The following MRC1 variants were observed in gnomAD, a reference collection of about 807,000 sequenced individuals.
MRC1 encodes macrophage mannose receptor 1.
A neutral mutation model predicts 102.9 loss-of-function variants in MRC1; 62 were observed. The observed-to-expected ratio is 0.60, with a 90% CI of 0.49 to 0.74. The LOEUF is 0.74. MRC1 is among the 30% of genes least tolerant of loss of function. The pLI, the probability that MRC1 is intolerant of heterozygous loss-of-function variation, is 0.00. For synonymous variants in MRC1, 457 were observed against 298.4 expected, an observed-to-expected ratio of 1.53 and a Z score of -5.48; for missense variants, 1,237 against 862.8, an observed-to-expected ratio of 1.43 and a Z score of -5.43.
In MRC1 at chr10:17,900,850, T is replaced by C; in HGVS notation, c.3546T>C (p.Asp1182=). 1.3e-6 allele frequency: 1 copy of C among 780,842 alleles called. No homozygotes were observed. The highest frequency in any genetic ancestry group is 1.3e-5 in the South Asian group (1 of 74,616). 48.4% of individuals were successfully genotyped at this position (780,842 alleles called of 1,614,324 possible). ...TGAGGTACACTAACTGGGCTGCTGA[T>C]GAGCCCAAATTGAAATCAGCATGTG... is the stretch of plus-strand genomic sequence containing the variant. ...WRVRYTNWAA[D]EPKLKSACVY... The change falls in exon 25 of 30, where the codon GAT becomes GAC. Residue 1182 remains aspartate (D), a synonymous_variant. Transcript: ENST00000569591.
intron 18 of MRC1, 120 bp from the exon 19 acceptor site, chr10:17,879,601 G>A (rs1214604122): frequency 1.3e-6 from 1 of 778,298 alleles, no homozygotes; most frequent in Non-Finnish European, 2.4e-6. Context: ...GGCCTCAGGT[G>A]ATCCACTCGC....
In MRC1 at chr10:17,849,754, G is replaced by A. The variant is rs1838885738; in HGVS notation, c.1239G>A (p.Gln413=). 1.3e-6 allele frequency: 1 copy of A among 780,672 alleles called. No homozygotes were observed. Among genetic ancestry groups the A allele is most frequent in the Admixed American group, 1.7e-5 (1 of 59,010 alleles). 48.4% of individuals were successfully genotyped at this position (780,672 alleles called of 1,614,324 possible). A position where few individuals can be genotyped will look rare whatever the true frequency, so the allele number is the denominator to read the frequency against. The change falls in exon 7 of 30, where the codon CAG becomes CAA. Residue 413 remains glutamine, a synonymous_variant. Coordinates refer to ENST00000569591, the MANE Select transcript of MRC1 (RefSeq NM_002438.4). ...AGGAATTGGACTTTATTATCTCCCA[G>A]CTAGGATATGGTGAGAAACTTGACA... ...TIEELDFIIS[Q]LGYEPNDELW...
At chr10:17,832,422 G>A (rs1448790751) in intron 3 of MRC1, among the ~76,000 whole-genome samples, 1 of 150,068 alleles carries the variant, frequency 6.7e-6, no homozygotes, top group Non-Finnish European at 1.5e-5. Flanking sequence ...GGGCGTGGCG[G>A]CGTGTGCCTG....
intron 25 of MRC1, among the ~76,000 whole-genome samples, chr10:17,901,643 C>T (rs958847353): frequency 2.6e-5 from 4 of 151,746 alleles, no homozygotes; most frequent in South Asian, 2.1e-4. Flanking sequence ...GAGACAAGAT[C>T]GCGCCATTGT....
rs1262043185 is a variant in MRC1 at position 17,877,944 on chromosome 10, G to C, written c.2595G>C (p.Leu865Phe). The C allele has an allele frequency of 1.1e-5, 10 of 871,986 alleles. No homozygotes were observed. The highest frequency in any genetic ancestry group is 2.0e-5 in the Non-Finnish European group (10 of 501,214). The allele number at this position is 871,986 out of a possible 1,614,324, so 54.0% of individuals were successfully genotyped here. ...AGTCTGCATATTTTATTGGTTTATT[G>C]ATCAGCTTGGATAAAAAGTTTGCGT... is the stretch of plus-strand genomic sequence containing the variant. ...DAQSAYFIGL[L>F]ISLDKKFAWM... The change falls in exon 18 of 30, where the codon TTG becomes TTC. Residue 865 changes from leucine to phenylalanine, a missense_variant. Leu to Phe is a conservative substitution (Grantham distance 22). Transcript: ENST00000569591.
chr10:17,871,955 G>T lies in MRC1; in HGVS notation c.2200-27G>T, dbSNP rs1016055022. The T allele has an allele frequency of 2.1e-4, 161 of 779,158 alleles. No individual in the cohort carries two copies. In the African/African-American group the frequency reaches 2.5e-3, roughly 12 times the overall value. 48.3% of individuals were successfully genotyped at this position (779,158 alleles called of 1,614,324 possible). A position where few individuals can be genotyped will look rare whatever the true frequency, so the allele number is the denominator to read the frequency against. Reference sequence around the variant, plus strand: ...CATTGGCTTGATACAAATGGTTAATGGTTGTAGTTTAATGTTTCTAATATA... The same window carrying T: ...CATTGGCTTGATACAAATGGTTAATTGTTGTAGTTTAATGTTTCTAATATA... On this transcript the variant is annotated intron_variant, in intron 14 of 29. Coordinates refer to ENST00000569591, the MANE Select transcript of MRC1 (RefSeq NM_002438.4).
At chr10:17,865,681 C>T (rs1253875002) in intron 11 of MRC1, among the ~76,000 whole-genome samples, 15 of 152,168 alleles carry the variant, frequency 9.9e-5, no homozygotes, top group Non-Finnish European at 1.8e-4. Context: ...AATGGGATGC[C>T]GCAGCCTCTG....
intron 19 of MRC1, among the ~76,000 whole-genome samples, chr10:17,880,143 A>G (rs899885668): frequency 3.3e-5 from 5 of 152,166 alleles, no homozygotes; most frequent in Non-Finnish European, 7.3e-5. Context: ...TATTCTGCAA[A>G]ATGGGAATAA....
rs1052608721 is a variant in MRC1, at chr10:17,885,729, G to T, written c.3147+294G>T. Among the ~76,000 whole-genome samples the T allele has an allele frequency of 1.1e-4, 16 of 152,046 alleles. No individual in the cohort carries two copies. In the East Asian group the frequency reaches 3.1e-3, roughly 29 times the overall value. On this transcript the variant is annotated intron_variant, in intron 22 of 29. Transcript: ENST00000569591. ...CAACCTAGAGTTATCAACTTTCTTTGTATCACCTTCCCCTTATTCCTTGTA... is the reference window on the plus strand; with the variant it reads ...CAACCTAGAGTTATCAACTTTCTTTTTATCACCTTCCCCTTATTCCTTGTA...
At chr10:17,860,588 A>G (rs2130659604) in intron 9 of MRC1, among the ~76,000 whole-genome samples, 1 of 152,268 alleles carries the variant, frequency 6.6e-6, no homozygotes, top group African/African-American at 2.4e-5. Flanking sequence ...ATTTCTGTGT[A>G]TTTGGAGTAT....
At position 17,809,506 on chromosome 10, in the gene MRC1, C is replaced by T. The variant is rs1838190410; in HGVS notation, c.41C>T (p.Pro14Leu). The stretch of plus-strand genomic sequence containing the variant: ...CTCCTGGTTTTTGCCTCTGTCATTC[C>T]GGGTGCTGTTCTCCTACTGGGTAAG... ...PLLLVFASVI[P>L]GAVLLLDTRQ... is the part of the protein sequence containing the mutation. The change falls in exon 1 of 30, where the codon CCG (proline) becomes CTG (leucine). Residue 14 changes from proline (P) to leucine (L), a missense_variant. Transcript: ENST00000569591. 6 of 872,768 alleles carry T rather than the reference C, an allele frequency of 6.9e-6. 1 individual carries two copies. The highest frequency in any genetic ancestry group is 5.1e-5 in the Admixed American group (3 of 59,170). 54.1% of individuals were successfully genotyped at this position (872,768 alleles called of 1,614,324 possible).
intron 25 of MRC1, 88 bp from the exon 26 acceptor site, chr10:17,901,885 G>A: frequency 1.3e-6 from 1 of 776,112 alleles, no homozygotes; most frequent in Non-Finnish European, 2.4e-6. Flanking sequence ...AATGATCAAT[G>A]ATCAGTTTTT....
At chr10:17,841,297 A>C (rs1426792612) in intron 5 of MRC1, among the ~76,000 whole-genome samples, 1 of 152,192 alleles carries the variant, frequency 6.6e-6, no homozygotes, top group African/African-American at 2.4e-5. Context: ...TTGAGTCATG[A>C]GGTATTTGCA....
intron 1 of MRC1, among the ~76,000 whole-genome samples, chr10:17,820,900 A>G (rs1179631239): frequency 6.6e-6 from 1 of 152,148 alleles, no homozygotes; most frequent in Non-Finnish European, 1.5e-5. Flanking sequence ...TTCCATTGTG[A>G]GCAAAGCCCT....
At chr10:17,867,591 A>C (rs889784592) in intron 12 of MRC1, among the ~76,000 whole-genome samples, 76 of 152,016 alleles carry the variant, frequency 5.0e-4, no homozygotes, top group African/African-American at 1.8e-3. Flanking sequence ...TAATTTTTAA[A>C]ATCTTATTTT....
chr10:17,839,531 A>G (rs964993611), intron 4 of MRC1, among the ~76,000 whole-genome samples: 1 of 152,052 alleles, frequency 6.6e-6, no homozygotes, highest in African/African-American at 2.4e-5. Flanking sequence ...AAGGTTGTTG[A>G]GTACAGTGGT....
chr10:17,864,827 CAAAAAAAAAA>C (rs34931364), intron 11 of MRC1, among the ~76,000 whole-genome samples: 8 of 80,540 alleles, frequency 9.9e-5, no homozygotes, highest in African/African-American at 2.4e-4. Flanking sequence ...AAAACTCCAT[CAAAAAAAAAA>C]AAAAAAAAAA....
chr10:17,888,168 G>A (rs905878387), intron 22 of MRC1, among the ~76,000 whole-genome samples: 1 of 152,224 alleles, frequency 6.6e-6, no homozygotes, highest in Admixed American at 6.5e-5. Context: ...TAGAAAAAGA[G>A]AATGGGAGAG....
intron 4 of MRC1, among the ~76,000 whole-genome samples, chr10:17,838,386 G>A (rs1838700836): frequency 6.6e-6 from 1 of 152,018 alleles, no homozygotes; most frequent in South Asian, 2.1e-4. Flanking sequence ...GAAAAATGTT[G>A]GGACGCTCTA....
Sources: allele counts gnomAD v4.1 joint callset (sites outside exome capture counted in the v4.1 genomes callset), GRCh38; gene constraint gnomAD v4.1.1; transcripts MANE v1.5; gene names NCBI Gene and HGNC (gene_info 2026-07-23, HGNC 2026-07-21).